ADAMTSL1: variants seen among roughly 807,000 people sequenced by gnomAD.
The protein encoded by ADAMTSL1 is ADAMTS-like protein 1.
A neutral mutation model predicts 201.8 loss-of-function variants in ADAMTSL1; 126 were observed. The observed-to-expected ratio is 0.62, with a 90% CI of 0.54 to 0.72. ADAMTSL1 has a LOEUF of 0.72. Ranked by LOEUF, ADAMTSL1 falls within the 30% of genes least tolerant of loss-of-function variation. The pLI, the probability that ADAMTSL1 is intolerant of heterozygous loss-of-function variation, is 0.00. For missense variants in ADAMTSL1, 2,679 were observed against 2,277.8 expected (o/e 1.18, Z -3.59); for synonymous variants, 1,121 against 903.4 (o/e 1.24, Z -4.32).
rs1289950062 is a variant in ADAMTSL1, at chr9:18,144,461, C to T, written c.88-19401C>T. Among the ~76,000 whole-genome samples, 5 of 152,122 alleles carry T rather than the reference C, an allele frequency of 3.3e-5. No homozygotes were observed. In the East Asian group the frequency reaches 7.7e-4, roughly 24 times the overall value. On this transcript the variant is annotated intron_variant, in intron 1 of 29. Transcript: ENST00000680146. ...CCTCAGGTGATCCTCCCTCCTCGCC[C>T]TTCCAAAGTGCTGGGATTACAGGCA...
intron 3 of ADAMTSL1, among the ~76,000 whole-genome samples, chr9:18,566,474 C>T (rs1338108462): frequency 6.6e-6 from 1 of 152,098 alleles, no homozygotes; most frequent in East Asian, 1.9e-4. Context: ...GAAAGTTGAG[C>T]AGGATAAAGA....
At chr9:18,740,904 C>G (rs1437905460) in intron 15 of ADAMTSL1, among the ~76,000 whole-genome samples, 1 of 152,164 alleles carries the variant, frequency 6.6e-6, no homozygotes, top group East Asian at 1.9e-4. Flanking sequence ...TGCCTGGCTA[C>G]CACTTATTCA....
chr9:18,905,799 C>G lies in ADAMTSL1; in HGVS notation c.4869C>G (p.Ile1623Met), dbSNP rs779054138. 13 of 1,613,020 alleles carry G rather than the reference C, an allele frequency of 8.1e-6. No individual in the cohort carries two copies. The African/African-American group carries it at 1.5e-4, about 18-fold the overall frequency. Residue 1623 changes from isoleucine (I) to methionine (M), a missense_variant, in exon 27 of 29, where the codon ATC (isoleucine) becomes ATG (methionine). By Grantham distance (10) the Ile-to-Met change is conservative. Transcript: ENST00000380548. ...CTTTCCAGTGCAATGGGCCTTGCAT[C>G]GGGCCTCACCTAGCTGTGCAACACA... ...SSWGQCNGPC[I>M]GPHLAVQHRQ...
chr9:18,839,675 C>T (rs1019895916), intron 23 of ADAMTSL1, among the ~76,000 whole-genome samples: 3 of 152,144 alleles, frequency 2.0e-5, no homozygotes, highest in African/African-American at 7.2e-5. Flanking sequence ...TCCTATTTCT[C>T]CACATCCTCT....
intron 1 of ADAMTSL1, among the ~76,000 whole-genome samples, chr9:18,138,408 C>T (rs753647243): frequency 6.6e-6 from 1 of 152,082 alleles, no homozygotes; most frequent in Non-Finnish European, 1.5e-5. Context: ...GCAGAGTATG[C>T]TACTTTTAGG....
At chr9:18,532,176 G>T (rs1019673136) in intron 2 of ADAMTSL1, among the ~76,000 whole-genome samples, 1 of 152,094 alleles carries the variant, frequency 6.6e-6, no homozygotes, top group African/African-American at 2.4e-5. Flanking sequence ...TTAAGTGTCA[G>T]CATTGAACGT....
intron 1 of ADAMTSL1, among the ~76,000 whole-genome samples, chr9:18,094,562 A>G (rs1459613247): frequency 1.3e-5 from 2 of 151,868 alleles, no homozygotes; most frequent in African/African-American, 4.8e-5. Flanking sequence ...ACTCTGCCTC[A>G]TTTCATCAGG....
chr9:18,902,652 A>G (rs1830076899), intron 26 of ADAMTSL1, among the ~76,000 whole-genome samples: 1 of 152,200 alleles, frequency 6.6e-6, no homozygotes, highest in African/African-American at 2.4e-5. Context: ...ATTAAAAAAG[A>G]AAGACTTCAA....
intron 1 of ADAMTSL1, among the ~76,000 whole-genome samples, chr9:17,981,600 A>G (rs1403328232): frequency 4.6e-5 from 7 of 151,912 alleles, no homozygotes; most frequent in Non-Finnish European, 1.0e-4. Context: ...CTTCAAAGAG[A>G]TTTTGCGTTT....
chr9:18,470,701 G>A (rs552710045), upstream of ADAMTSL1, among the ~76,000 whole-genome samples: 16 of 152,094 alleles, frequency 1.1e-4, no homozygotes, highest in Admixed American at 9.8e-4. Flanking sequence ...GAGAAATACC[G>A]AAAGTTTAGC....
chr9:18,367,924 G>T (rs1423125847), intron 2 of ADAMTSL1, among the ~76,000 whole-genome samples: 1 of 151,828 alleles, frequency 6.6e-6, no homozygotes, highest in Non-Finnish European at 1.5e-5. Context: ...TTTTGAGACG[G>T]AGTCTCGCTC....
intron 20 of ADAMTSL1, among the ~76,000 whole-genome samples, chr9:18,803,296 T>A (rs1563813933): frequency 1.3e-5 from 2 of 152,234 alleles, no homozygotes; most frequent in South Asian, 2.1e-4. Flanking sequence ...CTGAGTGCCA[T>A]TTCCAGCTTC....
At chr9:18,155,179 C>A (rs1827096989) in intron 1 of ADAMTSL1, among the ~76,000 whole-genome samples, 1 of 151,964 alleles carries the variant, frequency 6.6e-6, no homozygotes, top group Non-Finnish European at 1.5e-5. Context: ...AGACTTCTAG[C>A]CAGTAATAAG....
intron 14 of ADAMTSL1, among the ~76,000 whole-genome samples, chr9:18,720,494 C>T (rs1194023946): frequency 6.6e-6 from 1 of 152,164 alleles, no homozygotes; most frequent in Non-Finnish European, 1.5e-5. Flanking sequence ...TAAATGTCTC[C>T]ACAAGGGGAC....
intron 2 of ADAMTSL1, among the ~76,000 whole-genome samples, chr9:18,265,057 T>C (rs966455090): frequency 6.6e-6 from 1 of 152,204 alleles, no homozygotes; most frequent in Admixed American, 6.5e-5. Flanking sequence ...ACACTGGTGT[T>C]AGTCATAGCC....
chr9:17,982,789 T>A (rs918706980), intron 1 of ADAMTSL1, among the ~76,000 whole-genome samples: 4 of 152,068 alleles, frequency 2.6e-5, no homozygotes, highest in African/African-American at 9.7e-5. Context: ...AAGCATTCAA[T>A]CTTATTGCTG....
chr9:18,529,064 C>A (rs1220214420), intron 2 of ADAMTSL1, among the ~76,000 whole-genome samples: 2 of 152,188 alleles, frequency 1.3e-5, no homozygotes, highest in Non-Finnish European at 2.9e-5. Context: ...AAAAAATTCA[C>A]ACTTGGCAGG....
At chr9:18,051,205 G>T (rs2131666976) in intron 1 of ADAMTSL1, among the ~76,000 whole-genome samples, 1 of 152,330 alleles carries the variant, frequency 6.6e-6, no homozygotes, top group African/African-American at 2.4e-5. Context: ...GGAGGCTGAG[G>T]CGGGAGAATG....
chr9:17,984,484 G>A (rs1433471444), intron 1 of ADAMTSL1, among the ~76,000 whole-genome samples: 1 of 151,824 alleles, frequency 6.6e-6, no homozygotes, highest in African/African-American at 2.4e-5. Context: ...GGATTGTATT[G>A]TATCCCATTA....
Sources: gnomAD v4.1 joint callset for allele counts (sites outside exome capture counted in the v4.1 genomes callset) on GRCh38, gnomAD v4.1.1 for gene constraint, MANE v1.5 for transcripts, NCBI Gene and HGNC (gene_info 2026-07-23, HGNC 2026-07-21) for gene names.